ARB2A: variants seen among roughly 807,000 people sequenced by gnomAD.
The protein encoded by ARB2A is cotranscriptional regulator ARB2A.
chr5:93,980,896 T>C, the ARB2A span, among the ~76,000 whole-genome samples: 1 of 152,270 alleles, frequency 6.6e-6, no homozygotes, highest in South Asian at 2.1e-4. Context: ...AAAGATAATA[T>C]GCCTATAGCT....
At chr5:93,627,728 C>G in the ARB2A span, among the ~76,000 whole-genome samples, 1 of 152,122 alleles carries the variant, frequency 6.6e-6, no homozygotes, top group East Asian at 1.9e-4. Context: ...GCATGAGCCA[C>G]CATGCCCAGC....
the ARB2A span, among the ~76,000 whole-genome samples, chr5:93,836,173 G>A: frequency 1.3e-5 from 2 of 151,994 alleles, no homozygotes; most frequent in South Asian, 2.1e-4. Context: ...GACCACAGGC[G>A]CCCCCCACCA....
the ARB2A span, among the ~76,000 whole-genome samples, chr5:93,869,837 C>G: frequency 1.3e-5 from 2 of 152,250 alleles, no homozygotes; most frequent in Non-Finnish European, 2.9e-5. Flanking sequence ...TTGCTCCTAA[C>G]TCCACTGCCT....
At chr5:93,937,257 G>A in the ARB2A span, among the ~76,000 whole-genome samples, 1 of 151,820 alleles carries the variant, frequency 6.6e-6, no homozygotes, top group African/African-American at 2.4e-5. Context: ...TTGCGTGTAT[G>A]TGTGTCTGTG....
At chr5:93,983,126 G>T in the ARB2A span, among the ~76,000 whole-genome samples, 2 of 150,800 alleles carry the variant, frequency 1.3e-5, no homozygotes, top group South Asian at 4.2e-4. Context: ...TATATATGTG[G>T]TCCATTGTTG....
At chr5:93,886,381 C>G in the ARB2A span, among the ~76,000 whole-genome samples, 25 of 151,760 alleles carry the variant, frequency 1.6e-4, no homozygotes, top group Admixed American at 5.9e-4. Flanking sequence ...TCATTTTACA[C>G]AAATTTATCA....
chr5:93,727,309 A>G, the ARB2A span, among the ~76,000 whole-genome samples: 5 of 152,042 alleles, frequency 3.3e-5, no homozygotes. Flanking sequence ...ACAGAAGACA[A>G]TGTGAAAATT....
chr5:93,828,450 C>T, the ARB2A span, among the ~76,000 whole-genome samples: 2 of 152,070 alleles, frequency 1.3e-5, no homozygotes, highest in African/African-American at 4.8e-5. Context: ...TCTCTTTCTC[C>T]CAAATTCCTC....
the ARB2A span, among the ~76,000 whole-genome samples, chr5:93,971,982 C>T: frequency 2.6e-5 from 4 of 152,294 alleles, no homozygotes; most frequent in East Asian, 7.7e-4. Context: ...ACCAAAGCCT[C>T]TGAATGGACA....
the ARB2A span, among the ~76,000 whole-genome samples, chr5:93,854,646 G>A: frequency 3.9e-5 from 6 of 152,258 alleles, no homozygotes; most frequent in South Asian, 2.1e-4. Context: ...AGAGATTCTG[G>A]AATGTTGTGT....
At chr5:94,017,157 G>A in the ARB2A span, among the ~76,000 whole-genome samples, 4 of 152,162 alleles carry the variant, frequency 2.6e-5, no homozygotes, top group Admixed American at 1.3e-4. Context: ...TGGAATGGCC[G>A]GAGTCAATTT....
chr5:93,627,443 GTT>G, the ARB2A span, among the ~76,000 whole-genome samples: 4 of 130,510 alleles, frequency 3.1e-5, no homozygotes, highest in Admixed American at 7.8e-5. Flanking sequence ...AATGTGTTTT[GTT>G]TTTTTTTTTT....
chr5:93,883,924 T>TACAC, the ARB2A span, among the ~76,000 whole-genome samples: 1,932 of 133,792 alleles, frequency 0.014, 21 homozygotes, highest in African/African-American at 0.024. Context: ...CACATACACA[T>TACAC]ACACACACAC....
chr5:93,965,253 GA>G, the ARB2A span, among the ~76,000 whole-genome samples: 1 of 151,928 alleles, frequency 6.6e-6, no homozygotes, highest in Non-Finnish European at 1.5e-5. Context: ...CAACATGGAG[GA>G]AGAAAACAAG....
the ARB2A span, among the ~76,000 whole-genome samples, chr5:94,016,349 C>T: frequency 1.3e-5 from 2 of 152,144 alleles, no homozygotes; most frequent in African/African-American, 4.8e-5. Flanking sequence ...AACTTAGGAG[C>T]TGTATCTTTG....
At chr5:93,921,565 T>C in the ARB2A span, among the ~76,000 whole-genome samples, 2 of 151,976 alleles carry the variant, frequency 1.3e-5, no homozygotes, top group African/African-American at 4.8e-5. Context: ...GGTTTTTTAA[T>C]GCAGACAAAA....
chr5:94,019,003 C>A, the ARB2A span, among the ~76,000 whole-genome samples: 1 of 151,988 alleles, frequency 6.6e-6, no homozygotes, highest in African/African-American at 2.4e-5. Context: ...TCAGAAATAA[C>A]ATCACACATC....
the ARB2A span, among the ~76,000 whole-genome samples, chr5:93,666,985 T>G: frequency 6.6e-6 from 1 of 152,238 alleles, no homozygotes; most frequent in Admixed American, 6.5e-5. Context: ...TTTTTATTCC[T>G]TTGGAGTCCA....
At chr5:94,097,366 A>G in the ARB2A span, among the ~76,000 whole-genome samples, 12 of 152,308 alleles carry the variant, frequency 7.9e-5, no homozygotes, top group South Asian at 2.3e-3. Context: ...TAACCATCGA[A>G]GAACTTCTGC....
Sources: gnomAD v4.1 joint callset for allele counts (sites outside exome capture counted in the v4.1 genomes callset) on GRCh38, gnomAD v4.1.1 for gene constraint, MANE v1.5 for transcripts, NCBI Gene and HGNC (gene_info 2026-07-23, HGNC 2026-07-21) for gene names.